ROBO2: variants seen among roughly 807,000 people sequenced by gnomAD.
ROBO2 encodes the protein roundabout guidance receptor 2.
In ROBO2, 53 loss-of-function variants were observed where a neutral mutation model predicts 160.8. The observed-to-expected ratio is 0.33, with a 90% CI of 0.26 to 0.41. The LOEUF (loss-of-function observed/expected upper bound fraction) is 0.41, where lower values mean the gene tolerates loss of function less well. Among genes scored for constraint, ROBO2 ranks in the 10% least tolerant of loss-of-function variants. ROBO2 has a pLI of 1.00. For missense variants in ROBO2, 1,577 were observed against 1,722.4 expected (o/e 0.92, Z 1.49); for synonymous variants, 664 against 611.7 (o/e 1.09, Z -1.26).
At chr3:76,091,097 G>T (rs1386710406) in intron 2 of ROBO2, among the ~76,000 whole-genome samples, 1 of 152,058 alleles carries the variant, frequency 6.6e-6, no homozygotes, top group Non-Finnish European at 1.5e-5. Flanking sequence ...TTGATAACCT[G>T]GGCTTCATTA....
At chr3:76,829,406 C>T (rs552101057) in intron 2 of ROBO2, among the ~76,000 whole-genome samples, 18 of 152,042 alleles carry the variant, frequency 1.2e-4, no homozygotes, top group Non-Finnish European at 2.1e-4. Flanking sequence ...TGCAGCAAAC[C>T]ACCATGGCAC....
In ROBO2 at chr3:77,164,732, G is replaced by A. The variant is rs559112906; in HGVS notation, c.388+66392G>A. ...AGGTGGGGGTGTCAGCCCTCCGCCC[G>A]GCCAGCCACCCCGTCCGGGAGGGAA... On this transcript the variant is annotated intron_variant, in intron 2 of 25. Transcript: ENST00000461745. 1.6e-4 allele frequency among the ~76,000 whole-genome samples: 13 copies of A among 82,176 alleles called. 2 individuals are homozygous for A. The East Asian group carries it at 3.3e-3, about 21-fold the overall frequency. 53.9% of individuals were successfully genotyped at this position (82,176 alleles called of 152,430 possible). A position where few individuals can be genotyped will look rare whatever the true frequency, so the allele number is the denominator to read the frequency against.
At chr3:77,099,445 G>A (rs184090743) in intron 2 of ROBO2, among the ~76,000 whole-genome samples, 2 of 152,270 alleles carry the variant, frequency 1.3e-5, no homozygotes, top group East Asian at 3.9e-4. Context: ...GAAAAGACTA[G>A]GAGAATCCTA....
chr3:76,809,144 A>T (rs2064968258), intron 2 of ROBO2, among the ~76,000 whole-genome samples: 1 of 152,194 alleles, frequency 6.6e-6, no homozygotes, highest in African/African-American at 2.4e-5. Context: ...ATCACTGGAC[A>T]GTTTCTGTGG....
chr3:77,632,873 C>T (rs1325695938), intron 23 of ROBO2: 2 of 386,588 alleles, frequency 5.2e-6, no homozygotes, highest in Non-Finnish European at 9.2e-6. Context: ...TCTTATTTTC[C>T]TTTCTCTTCA....
chr3:76,945,206 G>A (rs537929026), intron 2 of ROBO2, among the ~76,000 whole-genome samples: 1 of 152,104 alleles, frequency 6.6e-6, no homozygotes, highest in African/African-American at 2.4e-5. Context: ...TGGCAGAAGC[G>A]CCAGTTTAGG....
At chr3:77,547,334 T>TA (rs1262370525) in intron 7 of ROBO2, among the ~76,000 whole-genome samples, 6 of 152,062 alleles carry the variant, frequency 3.9e-5, no homozygotes, top group African/African-American at 1.4e-4. Context: ...AAACATGCAC[T>TA]ACTAGGCATA....
chr3:77,458,209 C>A (rs569017536), intron 2 of ROBO2, among the ~76,000 whole-genome samples: 5 of 152,292 alleles, frequency 3.3e-5, no homozygotes, highest in African/African-American at 1.2e-4. Context: ...GGCTTTCAAT[C>A]ACCAAAACAT....
chr3:77,158,716 T>G (rs1276740722), intron 2 of ROBO2, among the ~76,000 whole-genome samples: 2 of 152,058 alleles, frequency 1.3e-5, no homozygotes, highest in East Asian at 3.9e-4. Context: ...TGCCCTGGGG[T>G]TGGTGGCAGC....
intron 2 of ROBO2, among the ~76,000 whole-genome samples, chr3:76,151,536 A>G (rs1294404609): frequency 6.6e-6 from 1 of 152,124 alleles, no homozygotes; most frequent in East Asian, 1.9e-4. Context: ...GGGCTCCTAA[A>G]CATATCAATT....
At chr3:75,951,997 A>G (rs1948556463) in intron 2 of ROBO2, among the ~76,000 whole-genome samples, 2 of 152,036 alleles carry the variant, frequency 1.3e-5, no homozygotes. Context: ...GGAAAAGAGA[A>G]AAAAGAAGCA....
intron 2 of ROBO2, among the ~76,000 whole-genome samples, chr3:76,824,335 G>T (rs959345036): frequency 6.6e-6 from 1 of 152,152 alleles, no homozygotes; most frequent in South Asian, 2.1e-4. Context: ...GACCTCAAGT[G>T]ATCCACCCAC....
chr3:77,034,083 C>T (rs141079104), intron 2 of ROBO2, among the ~76,000 whole-genome samples: 27 of 151,074 alleles, frequency 1.8e-4, no homozygotes, highest in African/African-American at 6.6e-4. Flanking sequence ...AAAAAAAAAT[C>T]ACTTGTTGCT....
At chr3:76,370,783 G>A (rs762670075) in intron 2 of ROBO2, among the ~76,000 whole-genome samples, 23 of 151,942 alleles carry the variant, frequency 1.5e-4, no homozygotes, top group Non-Finnish European at 2.9e-4. Flanking sequence ...GATTTTGTAT[G>A]AAGGTCCATA....
At chr3:76,330,396 C>T (rs2073391983) in intron 2 of ROBO2, among the ~76,000 whole-genome samples, 1 of 152,118 alleles carries the variant, frequency 6.6e-6, no homozygotes, top group Non-Finnish European at 1.5e-5. Flanking sequence ...AATTATCATG[C>T]CTGCATGAGT....
intron 2 of ROBO2, among the ~76,000 whole-genome samples, chr3:76,062,925 T>C (rs1266374593): frequency 6.6e-6 from 1 of 152,204 alleles, no homozygotes; most frequent in Non-Finnish European, 1.5e-5. Context: ...GAGAAAATTA[T>C]GCCTACTGAT....
intron 2 of ROBO2, among the ~76,000 whole-genome samples, chr3:76,429,203 C>G (rs2076340083): frequency 6.6e-6 from 1 of 152,006 alleles, no homozygotes; most frequent in African/African-American, 2.4e-5. Flanking sequence ...CCCACTCACT[C>G]ACACTCAGGG....
chr3:77,244,501 G>A (rs752247295), intron 2 of ROBO2, among the ~76,000 whole-genome samples: 9 of 152,152 alleles, frequency 5.9e-5, no homozygotes, highest in Admixed American at 1.3e-4. Flanking sequence ...TTGGATGGGG[G>A]ATGCTAAAAT....
In ROBO2 at chr3:77,276,126, C is replaced by G. The variant is rs545384273; in HGVS notation, c.388+177786C>G. Among the ~76,000 whole-genome samples the G allele has an allele frequency of 4.9e-4, 74 of 152,052 alleles. 1 individual carries two copies. The highest frequency in any genetic ancestry group is 1.7e-3 in the African/African-American group (71 of 41,498). On this transcript the variant is annotated intron_variant, in intron 2 of 25. Coordinates refer to ENST00000461745, the Ensembl canonical transcript of ROBO2. ...CTTATAGAAAAGTCAGGTGTACTCC[C>G]TTCCACTGCCCTTCACATTTTCATT...
Sources: gnomAD v4.1 joint callset for allele counts (sites outside exome capture counted in the v4.1 genomes callset) on GRCh38, gnomAD v4.1.1 for gene constraint, MANE v1.5 for transcripts, NCBI Gene and HGNC (gene_info 2026-07-23, HGNC 2026-07-21) for gene names.